CSMD1: variants seen among roughly 807,000 people sequenced by gnomAD.
The protein encoded by CSMD1 is CUB and Sushi multiple domains 1, also known as CUB and sushi domain-containing protein 1.
A neutral mutation model predicts 417.5 loss-of-function variants in CSMD1; 213 were observed. The observed-to-expected ratio is 0.51, with a 90% confidence interval of 0.46 to 0.57. CSMD1 has a LOEUF of 0.57. Among genes scored for constraint, CSMD1 ranks in the 20% least tolerant of loss-of-function variants. CSMD1 has a pLI of 0.00. For synonymous variants in CSMD1, 2,862 were observed against 1,736.8 expected (o/e 1.65, Z -16.11); for missense variants, 6,923 against 4,529.7 (o/e 1.53, Z -15.17).
chr8:4,804,299 G>A (rs1423292841), intron 1 of CSMD1, among the ~76,000 whole-genome samples: 1 of 152,054 alleles, frequency 6.6e-6, no homozygotes, highest in Non-Finnish European at 1.5e-5. Context: ...CAGAGCAGAA[G>A]CAATTAATAA....
intron 5 of CSMD1, 32 bp downstream of exon 5, chr8:3,997,871 T>C (rs764602201): frequency 2.5e-5 from 39 of 1,583,286 alleles, no homozygotes; most frequent in Non-Finnish European, 3.0e-5. Flanking sequence ...AACACACCTG[T>C]ATCCTTTGTG....
intron 1 of CSMD1, among the ~76,000 whole-genome samples, chr8:4,739,405 T>C (rs1299377242): frequency 2.0e-5 from 3 of 152,230 alleles, no homozygotes; most frequent in Admixed American, 6.5e-5. Flanking sequence ...AGTGGCCTTA[T>C]ATCTGATACC....
At chr8:3,446,111 A>G (rs1815289303) in intron 12 of CSMD1, among the ~76,000 whole-genome samples, 1 of 152,184 alleles carries the variant, frequency 6.6e-6, no homozygotes. Flanking sequence ...AACTAATTTG[A>G]GAAGTTTGTT....
intron 6 of CSMD1, among the ~76,000 whole-genome samples, chr8:3,724,024 C>T (rs550809723): frequency 1.9e-4 from 10 of 52,680 alleles, no homozygotes; most frequent in Non-Finnish European, 8.7e-4. Flanking sequence ...ATACGCCTCT[C>T]TTTTTCAACT....
chr8:3,970,597 A>G (rs999521404), intron 5 of CSMD1, among the ~76,000 whole-genome samples: 1 of 152,216 alleles, frequency 6.6e-6, no homozygotes, highest in Non-Finnish European at 1.5e-5. Context: ...CAGAATGAAT[A>G]GCAAAGGATC....
At chr8:4,131,165 CTG>C (rs895269749) in intron 3 of CSMD1, among the ~76,000 whole-genome samples, 3 of 152,118 alleles carry the variant, frequency 2.0e-5, no homozygotes, top group Admixed American at 6.5e-5. Flanking sequence ...AGACAAAAGA[CTG>C]AGAGTAGTAC....
At chr8:4,147,960 A>G (rs75484570) in intron 3 of CSMD1, among the ~76,000 whole-genome samples, 4,083 of 152,210 alleles carry the variant, frequency 0.027, 193 homozygotes, top group African/African-American at 0.092. Context: ...AACCCACAGA[A>G]GATGCACCAA....
At chr8:4,150,339 G>T (rs544566288) in intron 3 of CSMD1, among the ~76,000 whole-genome samples, 2 of 152,216 alleles carry the variant, frequency 1.3e-5, no homozygotes, top group African/African-American at 4.8e-5. Flanking sequence ...TCTCTAACCC[G>T]TGCCATTCTA....
chr8:4,902,995 A>G (rs927595344), intron 1 of CSMD1, among the ~76,000 whole-genome samples: 1 of 139,838 alleles, frequency 7.2e-6, no homozygotes, highest in Non-Finnish European at 1.5e-5. Flanking sequence ...TAAATAAATG[A>G]TAAATAATAT....
At chr8:4,019,229 G>C (rs141921869) in intron 4 of CSMD1, among the ~76,000 whole-genome samples, 1 of 152,206 alleles carries the variant, frequency 6.6e-6, no homozygotes, top group Non-Finnish European at 1.5e-5. Context: ...GCTCCTGGCT[G>C]AGTTAGGTCA....
intron 18 of CSMD1, among the ~76,000 whole-genome samples, chr8:3,377,513 C>T (rs1810386426): frequency 6.6e-6 from 1 of 152,146 alleles, no homozygotes; most frequent in South Asian, 2.1e-4. Context: ...TAACTGGCAT[C>T]CCTATAGCAT....
intron 6 of CSMD1, among the ~76,000 whole-genome samples, chr8:3,714,184 AT>A (rs1436302184): frequency 6.6e-6 from 1 of 150,460 alleles, no homozygotes; most frequent in Non-Finnish European, 1.5e-5. Context: ...ATATATGTAT[AT>A]AATAAGCTCC....
At chr8:4,333,841 A>G (rs1800011261) in intron 3 of CSMD1, among the ~76,000 whole-genome samples, 1 of 151,996 alleles carries the variant, frequency 6.6e-6, no homozygotes, top group African/African-American at 2.4e-5. Flanking sequence ...CATTAGCTTT[A>G]TGGTGTTTCA....
At chr8:3,842,759 G>A (rs916995413) in intron 5 of CSMD1, among the ~76,000 whole-genome samples, 15 of 152,082 alleles carry the variant, frequency 9.9e-5, no homozygotes, top group African/African-American at 3.6e-4. Context: ...AAAAAAAGAA[G>A]AGTTAATATT....
intron 26 of CSMD1, among the ~76,000 whole-genome samples, chr8:3,236,215 G>A (rs914229550): frequency 6.6e-6 from 1 of 151,988 alleles, no homozygotes; most frequent in Admixed American, 6.6e-5. Flanking sequence ...ACCGCGCCTC[G>A]CCGAAAATGT....
intron 4 of CSMD1, among the ~76,000 whole-genome samples, chr8:4,008,742 C>G (rs1010698301): frequency 6.6e-6 from 1 of 150,984 alleles, no homozygotes. Flanking sequence ...TCCTGAGTAG[C>G]TGGGAATACA....
At chr8:4,945,536 A>G (rs1269616194) in intron 1 of CSMD1, among the ~76,000 whole-genome samples, 2 of 150,726 alleles carry the variant, frequency 1.3e-5, no homozygotes, top group East Asian at 4.0e-4. Context: ...AAAAAAAAAA[A>G]GTGGTACTCA....
intron 5 of CSMD1, among the ~76,000 whole-genome samples, chr8:3,954,492 G>A (rs1445151354): frequency 2.0e-5 from 3 of 152,120 alleles, no homozygotes; most frequent in African/African-American, 4.8e-5. Context: ...TCAGCTTCCT[G>A]AGTAGCTGGG....
chr8:3,339,323 C>A (rs1247848434), intron 23 of CSMD1, among the ~76,000 whole-genome samples: 1 of 152,076 alleles, frequency 6.6e-6, no homozygotes, highest in Non-Finnish European at 1.5e-5. Context: ...TTGCAGAACA[C>A]TTTAAAGATG....
Sources: gnomAD v4.1 joint callset for allele counts (sites outside exome capture counted in the v4.1 genomes callset) on GRCh38, gnomAD v4.1.1 for gene constraint, MANE v1.5 for transcripts, NCBI Gene and HGNC (gene_info 2026-07-23, HGNC 2026-07-21) for gene names.